DZANK1: variants seen among roughly 807,000 people sequenced by gnomAD.
DZANK1 encodes the protein double zinc ribbon and ankyrin repeat-containing protein 1.
In DZANK1, 91 loss-of-function variants were observed where a neutral mutation model predicts 94.5. The observed-to-expected ratio is 0.96, with a 90% CI of 0.81 to 1.15. The LOEUF (loss-of-function observed/expected upper bound fraction) is 1.15, where lower values mean the gene tolerates loss of function less well. Ranked by LOEUF, DZANK1 falls within the 50% of genes most tolerant of loss-of-function variation. The pLI is 0.00. For synonymous variants in DZANK1, 312 were observed against 325.3 expected (o/e 0.96, Z 0.44); for missense variants, 903 against 916.4 (o/e 0.99, Z 0.19).
intron 13 of DZANK1, among the ~76,000 whole-genome samples, chr20:18,403,839 G>T (rs1476464671): frequency 1.8e-5 from 2 of 109,084 alleles, no homozygotes; most frequent in African/African-American, 7.3e-5. Context: ...TCACTCTGTT[G>T]CCCAGGTAGG....
chr20:18,452,675 T>A (rs930964433), exon 6 of DZANK1: 15 of 1,607,876 alleles, frequency 9.3e-6, no homozygotes, highest in Non-Finnish European at 1.2e-5. Context: ...GGATTTCCAA[T>A]GGACTCTCTG....
chr20:18,417,307 A>T (rs2057541277), intron 10 of DZANK1, among the ~76,000 whole-genome samples: 1 of 152,232 alleles, frequency 6.6e-6, no homozygotes, highest in Non-Finnish European at 1.5e-5. Context: ...TAACAAAATC[A>T]ATTTAAATGG....
intron 7 of DZANK1, 126 bp downstream of exon 7, chr20:18,448,858 C>T: frequency 1.6e-6 from 1 of 632,270 alleles, no homozygotes; most frequent in Non-Finnish European, 2.5e-6. Context: ...CAGAGTGAGA[C>T]TCCGTCTCAA....
intron 12 of DZANK1, 85 bp from the exon 13 acceptor site, chr20:18,412,938 A>C: frequency 8.1e-7 from 1 of 1,236,860 alleles, no homozygotes; most frequent in Non-Finnish European, 1.1e-6. Context: ...AACTCTAATC[A>C]GAATAAAAAG....
intron 12 of DZANK1, among the ~76,000 whole-genome samples, 183 bp downstream of exon 12, chr20:18,414,165 G>A (rs1298129413): frequency 6.6e-6 from 1 of 152,290 alleles, no homozygotes; most frequent in African/African-American, 2.4e-5. Context: ...TTATGTCTAC[G>A]GCCTTGCAAA....
exon 21 of DZANK1, chr20:18,384,461 A>G: frequency 6.2e-7 from 1 of 1,612,034 alleles, no homozygotes; most frequent in South Asian, 1.1e-5. Context: ...CCTTGGCCAA[A>G]CTTGGCAGCA....
intron 10 of DZANK1, among the ~76,000 whole-genome samples, chr20:18,426,169 T>C (rs1346236539): frequency 6.6e-6 from 1 of 152,142 alleles, no homozygotes; most frequent in Non-Finnish European, 1.5e-5. Context: ...AGCGGCAGCA[T>C]TCGATTCTCA....
intron 14 of DZANK1, among the ~76,000 whole-genome samples, chr20:18,396,759 T>C (rs1445085383): frequency 6.6e-6 from 1 of 152,210 alleles, no homozygotes; most frequent in African/African-American, 2.4e-5. Context: ...TCCAACCATA[T>C]CTAAACTCTA....
At chr20:18,389,631 C>T (rs1018040801) in intron 19 of DZANK1, 70 bp downstream of exon 19, 1 of 1,591,018 alleles carries the variant, frequency 6.3e-7, no homozygotes, top group Non-Finnish European at 8.6e-7. Flanking sequence ...TAGACCGCTT[C>T]TGCTGCAGTG....
intron 2 of DZANK1, among the ~76,000 whole-genome samples, chr20:18,461,600 CTTT>C (rs71194239): frequency 7.9e-5 from 11 of 138,370 alleles, no homozygotes; most frequent in Admixed American, 7.2e-5. Flanking sequence ...CATTTGTAAT[CTTT>C]TTTTTTTTTT....
At chr20:18,450,561 A>G (rs2059063748) in intron 6 of DZANK1, among the ~76,000 whole-genome samples, 2 of 152,214 alleles carry the variant, frequency 1.3e-5, no homozygotes, top group Non-Finnish European at 2.9e-5. Context: ...ACACATAAAG[A>G]TGTAGTTTTC....
chr20:18,395,982 CAATT>C (rs1412355175), intron 15 of DZANK1, among the ~76,000 whole-genome samples: 1 of 152,174 alleles, frequency 6.6e-6, no homozygotes, highest in Admixed American at 6.5e-5. Flanking sequence ...CTTGGCTTCT[CAATT>C]GATTGATTAA....
chr20:18,419,851 G>T (rs1600893189), intron 10 of DZANK1, among the ~76,000 whole-genome samples: 1 of 102,114 alleles, frequency 9.8e-6, no homozygotes, highest in Admixed American at 1.0e-4. Flanking sequence ...GAAGAGTAAA[G>T]AACATCAGAA....
rs1193287324 is a variant in DZANK1 at position 18,390,408 on chromosome 20, C to G, written c.1861G>C (p.Val621Leu). ...TCCAGCAGCTGTTCAATCACAGAGA[C>G]TCTTCCTTCCCCCGTGGGTCCGACT... The change falls in exon 18 of 21, where the codon GTC becomes CTC. Residue 621 changes from valine to leucine, a missense_variant. Coordinates refer to ENST00000262547, the Ensembl canonical transcript of DZANK1. 3.7e-6 allele frequency: 6 copies of G among 1,613,880 alleles called. No homozygotes were observed. In the African/African-American group the frequency reaches 8.0e-5, roughly 22 times the overall value.
At chr20:18,388,465 C>CA (rs1339054097) in intron 19 of DZANK1, among the ~76,000 whole-genome samples, 1 of 152,260 alleles carries the variant, frequency 6.6e-6, no homozygotes, top group East Asian at 1.9e-4. Flanking sequence ...AGCCAGGACT[C>CA]ACGCTGCTTA....
chr20:18,434,776 C>T (rs1004576195), intron 8 of DZANK1, among the ~76,000 whole-genome samples: 1 of 152,054 alleles, frequency 6.6e-6, no homozygotes, highest in Non-Finnish European at 1.5e-5. Context: ...GCTGTGAAAA[C>T]CAGAAGTTTT....
At chr20:18,406,638 A>C (rs1238041297) in intron 13 of DZANK1, among the ~76,000 whole-genome samples, 1 of 152,226 alleles carries the variant, frequency 6.6e-6, no homozygotes, top group African/African-American at 2.4e-5. Context: ...GCTATGGTGC[A>C]AGACTCATTC....
intron 13 of DZANK1, among the ~76,000 whole-genome samples, chr20:18,409,337 T>C (rs1167630096): frequency 6.6e-6 from 1 of 152,080 alleles, no homozygotes; most frequent in Non-Finnish European, 1.5e-5. Context: ...ATCCCCAGTA[T>C]ATTAACAGCA....
At chr20:18,450,764 T>G (rs907679005) in intron 6 of DZANK1, among the ~76,000 whole-genome samples, 2 of 152,294 alleles carry the variant, frequency 1.3e-5, no homozygotes, top group African/African-American at 4.8e-5. Flanking sequence ...ACATTAAACT[T>G]GGGACTCAAA....
Sources: allele counts gnomAD v4.1 joint callset (sites outside exome capture counted in the v4.1 genomes callset), GRCh38; gene constraint gnomAD v4.1.1; transcripts MANE v1.5; gene names NCBI Gene and HGNC (gene_info 2026-07-23, HGNC 2026-07-21).